Variants in EML4 observed in about 807,000 individuals in gnomAD.
The protein encoded by EML4 is echinoderm microtubule-associated protein-like 4.
A neutral mutation model predicts 129.0 loss-of-function variants in EML4; 72 were observed. The observed-to-expected ratio is 0.56, with a 90% confidence interval of 0.46 to 0.68. The LOEUF is 0.68. Ranked by LOEUF, EML4 falls within the 30% of genes least tolerant of loss-of-function variation. EML4 has a pLI of 0.00. For missense variants in EML4, 1,363 were observed against 1,190.6 expected, an observed-to-expected ratio of 1.14 and a Z score of -2.13; for synonymous variants, 532 against 405.0, an observed-to-expected ratio of 1.31 and a Z score of -3.77.
rs189399657 is a variant in EML4 at position 42,186,506 on chromosome 2, A to C, written c.25+16870A>C. ...AGTGTTTTTAGAGCAAGCTTTTGAG[A>C]ATCATTTTCTTTTCTTTGCTTATTA... is the stretch of plus-strand genomic sequence containing the variant. On this transcript the variant is annotated intron_variant, in intron 1 of 22. Coordinates refer to ENST00000318522, the MANE Select transcript of EML4 (RefSeq NM_019063.5). 9.9e-4 allele frequency among the ~76,000 whole-genome samples: 151 copies of C among 152,292 alleles called. 1 individual carries two copies. The highest frequency in any genetic ancestry group is 3.6e-3 in the African/African-American group (149 of 41,556).
intron 4 of EML4, among the ~76,000 whole-genome samples, chr2:42,262,634 A>G (rs565157167): frequency 2.0e-5 from 3 of 152,376 alleles, no homozygotes; most frequent in African/African-American, 7.2e-5. Context: ...ACTTATAAGT[A>G]TAGGGAATCA....
chr2:42,307,539 A>G (rs1558597875), intron 17 of EML4, among the ~76,000 whole-genome samples: 1 of 152,214 alleles, frequency 6.6e-6, no homozygotes, highest in Non-Finnish European at 1.5e-5. Flanking sequence ...TGGATCTATG[A>G]ATACCTGAAT....
chr2:42,313,089 C>G (rs1669051838), intron 17 of EML4, among the ~76,000 whole-genome samples: 1 of 151,576 alleles, frequency 6.6e-6, no homozygotes, highest in Non-Finnish European at 1.5e-5. Context: ...GCTGGGACTA[C>G]AGGCGCCTGC....
At chr2:42,233,838 G>A (rs1360091507) in intron 1 of EML4, among the ~76,000 whole-genome samples, 2 of 152,050 alleles carry the variant, frequency 1.3e-5, no homozygotes, top group Admixed American at 6.5e-5. Context: ...AAAACAAAAG[G>A]AAAAAGGAAA....
intron 19 of EML4, among the ~76,000 whole-genome samples, chr2:42,322,023 T>G (rs990866165): frequency 6.6e-6 from 1 of 152,218 alleles, no homozygotes; most frequent in South Asian, 2.1e-4. Context: ...TCAACATATT[T>G]ATGGGATTAA....
chr2:42,314,158 A>G (rs1558604108), intron 17 of EML4, among the ~76,000 whole-genome samples: 1 of 152,176 alleles, frequency 6.6e-6, no homozygotes, highest in Admixed American at 6.5e-5. Context: ...CAGGAGTTCG[A>G]GACCAGCCTG....
Position 42,197,843 on chromosome 2 carries a change from G to T in EML4, c.25+28207G>T, listed in dbSNP as rs180717791. ...CCAGATGTGCTCCACCTCAAACCTT[G>T]TGTACTCCTTTAGCCAGGATTTATA... On this transcript the variant is annotated intron_variant, in intron 1 of 22. Transcript: ENST00000318522. Among the ~76,000 whole-genome samples the T allele has an allele frequency of 5.1e-4, 77 of 152,270 alleles. No individual in the cohort carries two copies. The East Asian group carries it at 0.01, about 20-fold the overall frequency.
chr2:42,227,760 C>T (rs938289392), intron 1 of EML4, among the ~76,000 whole-genome samples: 17 of 152,304 alleles, frequency 1.1e-4, no homozygotes, highest in African/African-American at 3.6e-4. Flanking sequence ...CATCCATTTC[C>T]ACTTAATGAA....
At chr2:42,275,941 C>G (rs1334765710) in intron 6 of EML4, among the ~76,000 whole-genome samples, 1 of 152,036 alleles carries the variant, frequency 6.6e-6, no homozygotes, top group Non-Finnish European at 1.5e-5. Flanking sequence ...TCGCCCATCC[C>G]TTATTGAGTT....
At chr2:42,194,347 CTTTT>C (rs34026132) in intron 1 of EML4, among the ~76,000 whole-genome samples, 2 of 126,820 alleles carry the variant, frequency 1.6e-5, no homozygotes, top group Non-Finnish European at 1.6e-5. Context: ...CTCTCTCTCT[CTTTT>C]TTTTTTTTTT....
chr2:42,222,203 A>G (rs1410354496), intron 1 of EML4, among the ~76,000 whole-genome samples: 2 of 152,124 alleles, frequency 1.3e-5, no homozygotes, highest in African/African-American at 4.8e-5. Flanking sequence ...ATTATTTTAT[A>G]TATTTTAAAA....
chr2:42,291,724 AGT>A (rs1667654358), intron 11 of EML4, among the ~76,000 whole-genome samples: 3 of 152,226 alleles, frequency 2.0e-5, no homozygotes, highest in Admixed American at 1.3e-4. Flanking sequence ...CACCTTTAAG[AGT>A]GTGAGAAAAT....
At chr2:42,194,776 G>A (rs549758481) in intron 1 of EML4, among the ~76,000 whole-genome samples, 26 of 151,986 alleles carry the variant, frequency 1.7e-4, no homozygotes, top group Non-Finnish European at 3.4e-4. Flanking sequence ...CTCCTAAAGT[G>A]CTGGGATTAC....
intron 7 of EML4, among the ~76,000 whole-genome samples, chr2:42,281,786 C>T (rs557765902): frequency 2.0e-5 from 3 of 152,182 alleles, no homozygotes; most frequent in African/African-American, 7.2e-5. Context: ...CTAATTTCAC[C>T]TAGAAATTTT....
chr2:42,191,866 G>A (rs920767366), intron 1 of EML4, among the ~76,000 whole-genome samples: 2 of 152,146 alleles, frequency 1.3e-5, no homozygotes, highest in Admixed American at 6.5e-5. Flanking sequence ...AAACCTGGCC[G>A]GGCACGGTGG....
intron 1 of EML4, among the ~76,000 whole-genome samples, chr2:42,238,894 C>T (rs918250346): frequency 1.3e-4 from 20 of 152,178 alleles, no homozygotes; most frequent in Non-Finnish European, 2.8e-4. Flanking sequence ...AGTGATCCTC[C>T]TGCCTCAGGA....
intron 2 of EML4, among the ~76,000 whole-genome samples, chr2:42,255,276 A>G (rs1292324580): frequency 4.0e-5 from 6 of 149,458 alleles, no homozygotes; most frequent in African/African-American, 1.5e-4. Context: ...TAGTAGATAC[A>G]GGGTTTCAGC....
At chr2:42,238,047 A>G (rs555770707) in intron 1 of EML4, among the ~76,000 whole-genome samples, 34 of 152,322 alleles carry the variant, frequency 2.2e-4, no homozygotes, top group South Asian at 4.1e-4. Flanking sequence ...TATACACTTT[A>G]TTTCATGCAC....
At chr2:42,174,216 G>A (rs963066654) in intron 1 of EML4, among the ~76,000 whole-genome samples, 12 of 151,984 alleles carry the variant, frequency 7.9e-5, no homozygotes, top group Admixed American at 4.6e-4. Context: ...TCTAATACTT[G>A]TAAAAAGTTT....
Sources: allele counts gnomAD v4.1 joint callset (sites outside exome capture counted in the v4.1 genomes callset), GRCh38; gene constraint gnomAD v4.1.1; transcripts MANE v1.5; gene names NCBI Gene and HGNC (gene_info 2026-07-23, HGNC 2026-07-21).